EYS: variants seen among roughly 807,000 people sequenced by gnomAD.
EYS encodes the protein EGF-like photoreceptor maintenance factor, also known as protein eyes shut homolog.
In EYS, 250 loss-of-function variants were observed where a neutral mutation model predicts 282.1. The ratio of observed to expected loss-of-function variants is 0.89; its 90% CI spans 0.80 to 0.98. The LOEUF (loss-of-function observed/expected upper bound fraction) is 0.98. Among genes scored for constraint, EYS ranks in the 50% least tolerant of loss-of-function variants. The probability of loss-of-function intolerance (pLI) is 0.00; values close to 1 mark genes in which losing one functional copy is unlikely to be tolerated. For synonymous variants in EYS, 1,355 were observed against 1,282.9 expected (o/e 1.06, Z -1.20); for missense variants, 4,016 against 3,709.0 (o/e 1.08, Z -2.15).
At chr6:65,424,530 A>G (rs1374051942) in intron 5 of EYS, among the ~76,000 whole-genome samples, 2 of 151,960 alleles carry the variant, frequency 1.3e-5, no homozygotes, top group African/African-American at 4.8e-5. Context: ...TTGAAAATAT[A>G]TTACAGATTT....
chr6:65,122,191 G>T (rs933357298), intron 12 of EYS, among the ~76,000 whole-genome samples: 2 of 152,062 alleles, frequency 1.3e-5, no homozygotes, highest in African/African-American at 4.8e-5. Flanking sequence ...ATTAAATAAA[G>T]TACAGAATAA....
At chr6:64,002,752 G>T (rs760357032) in intron 33 of EYS, among the ~76,000 whole-genome samples, 1 of 152,120 alleles carries the variant, frequency 6.6e-6, no homozygotes, top group Non-Finnish European at 1.5e-5. Flanking sequence ...TGCCCAGGCG[G>T]GTCTTGAACT....
intron 22 of EYS, among the ~76,000 whole-genome samples, chr6:64,715,996 T>C (rs1771377756): frequency 6.6e-6 from 1 of 152,172 alleles, no homozygotes; most frequent in African/African-American, 2.4e-5. Flanking sequence ...GAAAGTCACC[T>C]AACTTCTGCA....
intron 2 of EYS, among the ~76,000 whole-genome samples, chr6:65,503,867 G>A (rs1340633277): frequency 2.0e-5 from 3 of 151,564 alleles, no homozygotes; most frequent in Non-Finnish European, 4.4e-5. Context: ...TTGCTTAATG[G>A]TTAAGTGTTG....
chr6:64,171,645 G>A (rs75823041), intron 31 of EYS, among the ~76,000 whole-genome samples: 5,349 of 152,038 alleles, frequency 0.035, 233 homozygotes, highest in African/African-American at 0.099. Flanking sequence ...TCCACTGCAC[G>A]TAACAAAATA....
intron 2 of EYS, among the ~76,000 whole-genome samples, chr6:65,639,206 A>G (rs919973214): frequency 3.3e-5 from 5 of 152,200 alleles, no homozygotes; most frequent in African/African-American, 9.6e-5. Context: ...GATAATATCA[A>G]TATGAGAAAA....
At chr6:65,661,389 A>G (rs779722723) in intron 1 of EYS, among the ~76,000 whole-genome samples, 1 of 152,102 alleles carries the variant, frequency 6.6e-6, no homozygotes, top group South Asian at 2.1e-4. Flanking sequence ...GAGGGAACTG[A>G]GGCTTAAAAA....
intron 31 of EYS, among the ~76,000 whole-genome samples, chr6:64,173,569 A>C (rs1182431075): frequency 6.6e-6 from 1 of 152,096 alleles, no homozygotes; most frequent in Non-Finnish European, 1.5e-5. Flanking sequence ...AGAACTTTAA[A>C]TGGTAAGGAT....
At chr6:65,578,156 T>C (rs354351) in intron 2 of EYS, among the ~76,000 whole-genome samples, 114,001 of 151,366 alleles carry the variant, frequency 0.75, 43,784 homozygotes, top group African/African-American at 0.91. Context: ...GTCACAATAG[T>C]CAAGGTATGG....
intron 19 of EYS, among the ~76,000 whole-genome samples, chr6:64,874,143 T>C (rs972880568): frequency 1.3e-5 from 2 of 152,078 alleles, no homozygotes; most frequent in Admixed American, 6.6e-5. Flanking sequence ...ATAAAAATCA[T>C]TGACTTTCGG....
intron 22 of EYS, among the ~76,000 whole-genome samples, chr6:64,725,738 C>T (rs948856752): frequency 6.6e-6 from 1 of 151,864 alleles, no homozygotes; most frequent in Non-Finnish European, 1.5e-5. Context: ...CTACTTCATC[C>T]TCAACGTTCA....
At chr6:63,998,973 G>T in intron 34 of EYS, 102 bp downstream of exon 34, 1 of 711,346 alleles carries the variant, frequency 1.4e-6, no homozygotes, top group African/African-American at 1.8e-5. Flanking sequence ...CAAGGAATCT[G>T]TTCAATTAAG....
chr6:64,811,621 T>C (rs1054277422), intron 22 of EYS, among the ~76,000 whole-genome samples: 1 of 152,108 alleles, frequency 6.6e-6, no homozygotes, highest in Non-Finnish European at 1.5e-5. Flanking sequence ...AGACGGGATT[T>C]GTTCTCTCGA....
chr6:64,094,963 T>C (rs1772534587), intron 31 of EYS, among the ~76,000 whole-genome samples: 1 of 152,230 alleles, frequency 6.6e-6, no homozygotes, highest in Non-Finnish European at 1.5e-5. Context: ...GTCTTTGTTC[T>C]CGTTGGTTTC....
chr6:65,175,450 A>C (rs1033739114), intron 12 of EYS, among the ~76,000 whole-genome samples: 6 of 151,368 alleles, frequency 4.0e-5, no homozygotes, highest in Non-Finnish European at 8.9e-5. Context: ...AAAGCATATC[A>C]TTTGAGTGGT....
At chr6:65,027,024 T>G (rs895990612) in intron 13 of EYS, among the ~76,000 whole-genome samples, 13 of 90,062 alleles carry the variant, frequency 1.4e-4, no homozygotes, top group Non-Finnish European at 1.9e-4. Context: ...TAATGTGTGT[T>G]TTTTTTTTTT....
At chr6:65,042,123 T>G (rs965653717) in intron 13 of EYS, among the ~76,000 whole-genome samples, 1 of 151,658 alleles carries the variant, frequency 6.6e-6, no homozygotes, top group African/African-American at 2.4e-5. Flanking sequence ...CCCTTCAGTA[T>G]TATGATAATC....
intron 21 of EYS, among the ~76,000 whole-genome samples, chr6:64,817,893 A>T (rs1442546166): frequency 6.6e-6 from 1 of 152,200 alleles, no homozygotes; most frequent in East Asian, 1.9e-4. Context: ...ATTTATACAC[A>T]GTTTTTTAAT....
At chr6:63,868,050 A>G (rs886930231) in intron 35 of EYS, among the ~76,000 whole-genome samples, 5 of 152,148 alleles carry the variant, frequency 3.3e-5, no homozygotes, top group African/African-American at 9.7e-5. Flanking sequence ...CTGAAAACAC[A>G]TATATCCGTC....
Sources: allele counts gnomAD v4.1 joint callset (sites outside exome capture counted in the v4.1 genomes callset), GRCh38; gene constraint gnomAD v4.1.1; transcripts MANE v1.5; gene names NCBI Gene and HGNC (gene_info 2026-07-23, HGNC 2026-07-21).